SLC16A12: variants seen among roughly 807,000 people sequenced by gnomAD.
SLC16A12 encodes the protein solute carrier family 16 member 12.
A neutral mutation model predicts 42.4 loss-of-function variants in SLC16A12; 17 were observed. That is an observed-to-expected ratio of 0.40 (90% CI 0.27 to 0.60). SLC16A12 has a LOEUF of 0.60. Among genes scored for constraint, SLC16A12 ranks in the 20% least tolerant of loss-of-function variants. The probability of loss-of-function intolerance (pLI) is 0.42; values close to 1 mark genes in which losing one functional copy is unlikely to be tolerated. For missense variants in SLC16A12, 544 were observed against 623.0 expected (o/e 0.87, Z 1.35); for synonymous variants, 224 against 229.4 (o/e 0.98, Z 0.21).
At chr10:89,547,451 A>T (rs756474843) in intron 2 of SLC16A12, among the ~76,000 whole-genome samples, 2 of 152,324 alleles carry the variant, frequency 1.3e-5, no homozygotes, top group African/African-American at 2.4e-5. Context: ...CAAATAAATC[A>T]ACCAGAATTC....
chr10:89,544,282 T>C, intron 2 of SLC16A12, among the ~76,000 whole-genome samples: 1 of 152,198 alleles, frequency 6.6e-6, no homozygotes, highest in East Asian at 1.9e-4. Flanking sequence ...TAGAAGTATA[T>C]GTTTAAGTGG....
At chr10:89,545,018 G>T (rs1843734828) in intron 2 of SLC16A12, among the ~76,000 whole-genome samples, 3 of 152,292 alleles carry the variant, frequency 2.0e-5, no homozygotes, top group Non-Finnish European at 2.9e-5. Flanking sequence ...ACCTTAAGGG[G>T]TTATACCTCC....
chr10:89,485,112 A>G (rs920691490), intron 2 of SLC16A12, among the ~76,000 whole-genome samples: 1 of 152,198 alleles, frequency 6.6e-6, no homozygotes, highest in Non-Finnish European at 1.5e-5. Flanking sequence ...GCAGTTTCCT[A>G]TGGATCAGTC....
At chr10:89,519,384 A>G (rs1255739947) in intron 2 of SLC16A12, among the ~76,000 whole-genome samples, 1 of 151,570 alleles carries the variant, frequency 6.6e-6, no homozygotes, top group Non-Finnish European at 1.5e-5. Flanking sequence ...TTGAGAGAAG[A>G]AAAAAAAATA....
chr10:89,454,247 A>G (rs1259422812), intron 3 of SLC16A12, among the ~76,000 whole-genome samples: 1 of 152,080 alleles, frequency 6.6e-6, no homozygotes, highest in Admixed American at 6.6e-5. Flanking sequence ...GGCACAAGTA[A>G]TCCTCTCGTC....
chr10:89,440,559 GA>G (rs1841890316), intron 5 of SLC16A12, among the ~76,000 whole-genome samples: 1 of 152,186 alleles, frequency 6.6e-6, no homozygotes, highest in African/African-American at 2.4e-5. Context: ...GTCTCTGTAA[GA>G]GTGATTTATT....
chr10:89,474,379 G>A (rs1022479780), intron 2 of SLC16A12, among the ~76,000 whole-genome samples: 2 of 152,098 alleles, frequency 1.3e-5, no homozygotes, highest in Non-Finnish European at 2.9e-5. Flanking sequence ...TTCAGAATAA[G>A]AGCTTACTCT....
At chr10:89,517,978 C>A (rs1403896183) in intron 2 of SLC16A12, among the ~76,000 whole-genome samples, 1 of 152,074 alleles carries the variant, frequency 6.6e-6, no homozygotes, top group Non-Finnish European at 1.5e-5. Flanking sequence ...AAAAAGGGCA[C>A]CTTAGACTTG....
rs77988736 is a variant in SLC16A12 at position 89,491,017 on chromosome 10, C to A, written c.-46-28393G>T. Reference sequence around the variant, plus strand: ...TATAACAAAAGATGCCCCTATCACTCATATTAACACTTATGAAATTCCAAG... The same window carrying A: ...TATAACAAAAGATGCCCCTATCACTAATATTAACACTTATGAAATTCCAAG... On this transcript the variant is annotated intron_variant, in intron 2 of 7. Transcript: ENST00000371790. Among the ~76,000 whole-genome samples, 442 of 152,342 alleles carry A rather than the reference C, an allele frequency of 2.9e-3. 12 individuals are homozygous for A. In the East Asian group the frequency reaches 0.067, roughly 23 times the overall value.
intron 2 of SLC16A12, among the ~76,000 whole-genome samples, chr10:89,511,627 A>C (rs960084643): frequency 8.5e-5 from 13 of 152,102 alleles, no homozygotes; most frequent in Non-Finnish European, 5.9e-5. Context: ...GAAATACTTA[A>C]TGTAAATGAC....
intron 2 of SLC16A12, among the ~76,000 whole-genome samples, chr10:89,555,702 T>TACACACATATATAC: frequency 2.1e-5 from 3 of 143,484 alleles, no homozygotes; most frequent in African/African-American, 7.7e-5. Context: ...TATATACATA[T>TACACACATATATAC]ATATATATAT....
chr10:89,447,507 A>C (rs1381140983), intron 3 of SLC16A12, among the ~76,000 whole-genome samples: 1 of 152,252 alleles, frequency 6.6e-6, no homozygotes, highest in African/African-American at 2.4e-5. Flanking sequence ...CTGTATGACT[A>C]CTGGGTAAAT....
intron 2 of SLC16A12, among the ~76,000 whole-genome samples, chr10:89,487,676 G>A (rs2133800427): frequency 6.6e-6 from 1 of 151,056 alleles, no homozygotes; most frequent in African/African-American, 2.4e-5. Context: ...GCTGGGCGTG[G>A]TGGTGCGCGC....
chr10:89,534,333 C>T (rs1055213910), intron 2 of SLC16A12, among the ~76,000 whole-genome samples, 168 bp downstream of exon 2: 3 of 152,082 alleles, frequency 2.0e-5, no homozygotes, highest in African/African-American at 7.2e-5. Flanking sequence ...GAGCTTACAC[C>T]TGTGGAGCGA....
intron 2 of SLC16A12, among the ~76,000 whole-genome samples, chr10:89,547,966 CAAAAAAAAAA>C (rs60543445): frequency 9.8e-5 from 8 of 81,610 alleles, no homozygotes; most frequent in African/African-American, 3.7e-4. Context: ...CCAGCCTGGG[CAAAAAAAAAA>C]AAAAAAAAAA....
Position 89,462,622 on chromosome 10 carries a change from C to A in SLC16A12, c.-44G>T, listed in dbSNP as rs1158336868. 1 of 1,542,584 alleles carries A rather than the reference C, an allele frequency of 6.5e-7. No individual in the cohort carries two copies. The highest frequency in any genetic ancestry group is 8.7e-7 in the Non-Finnish European group (1 of 1,151,498). ...GCTACCTGGCCCATGGGTTACTCGCCATCTAAAACCAAAAATCAGGACATA... is the reference window on the plus strand; with the variant it reads ...GCTACCTGGCCCATGGGTTACTCGCAATCTAAAACCAAAAATCAGGACATA... On this transcript the variant is annotated splice_region_variant and 5_prime_UTR_variant, in exon 3 of 8. An upstream start codon of the reference 5' UTR is lost. Coordinates refer to ENST00000371790, the MANE Select transcript of SLC16A12 (RefSeq NM_213606.4).
intron 2 of SLC16A12, among the ~76,000 whole-genome samples, chr10:89,507,765 A>G (rs969704635): frequency 7.2e-5 from 11 of 152,316 alleles, no homozygotes; most frequent in East Asian, 5.8e-4. Flanking sequence ...AATGCCCCCA[A>G]TTAAAAGACA....
chr10:89,507,139 T>C (rs1234046383), intron 2 of SLC16A12, among the ~76,000 whole-genome samples: 4 of 152,164 alleles, frequency 2.6e-5, no homozygotes, highest in Admixed American at 1.3e-4. Context: ...TGGAACCAAG[T>C]TGGAAATCAC....
intron 2 of SLC16A12, among the ~76,000 whole-genome samples, chr10:89,533,359 T>C (rs940430654): frequency 6.6e-6 from 1 of 152,198 alleles, no homozygotes; most frequent in Non-Finnish European, 1.5e-5. Flanking sequence ...CTTTGTTTTG[T>C]TCATTGACAT....
Sources: gnomAD v4.1 joint callset for allele counts (sites outside exome capture counted in the v4.1 genomes callset) on GRCh38, gnomAD v4.1.1 for gene constraint, MANE v1.5 for transcripts, NCBI Gene and HGNC (gene_info 2026-07-23, HGNC 2026-07-21) for gene names.